Variants in ZNF362 observed in about 807,000 individuals in gnomAD.
ZNF362 encodes rotund homolog.
A neutral mutation model predicts 42.9 loss-of-function variants in ZNF362; 11 were observed. The observed-to-expected ratio is 0.26, with a 90% CI of 0.16 to 0.42. The LOEUF (loss-of-function observed/expected upper bound fraction) is 0.42, where lower values mean the gene tolerates loss of function less well. Ranked by LOEUF, ZNF362 falls within the 20% of genes least tolerant of loss-of-function variation. The probability of loss-of-function intolerance (pLI) is 1.00; values close to 1 mark genes in which losing one functional copy is unlikely to be tolerated. For synonymous variants in ZNF362, 255 were observed against 257.3 expected (o/e 0.99, Z 0.09); for missense variants, 362 against 576.2 (o/e 0.63, Z 3.81).
At chr1:33,278,890 G>T (rs187770140) in intron 4 of ZNF362, among the ~76,000 whole-genome samples, 1 of 152,214 alleles carries the variant, frequency 6.6e-6, no homozygotes, top group Admixed American at 6.5e-5. Flanking sequence ...AACAGGTTGT[G>T]TCCAATTTTG....
chr1:33,179,955 TAGAG>T, the ZNF362 span, among the ~76,000 whole-genome samples: 1 of 152,248 alleles, frequency 6.6e-6, no homozygotes, highest in Non-Finnish European at 1.5e-5. Flanking sequence ...CACTTATTAA[TAGAG>T]AGCATTTGGG....
chr1:33,234,630 C>T, the ZNF362 span, among the ~76,000 whole-genome samples: 20 of 152,050 alleles, frequency 1.3e-4, no homozygotes, highest in African/African-American at 4.3e-4. Flanking sequence ...TCCCGTTGAG[C>T]GAGAGGAAGC....
chr1:33,251,418 C>T, the ZNF362 span, among the ~76,000 whole-genome samples: 1 of 152,204 alleles, frequency 6.6e-6, no homozygotes, highest in African/African-American at 2.4e-5. Flanking sequence ...ACCATTGCCA[C>T]CTTTCACCTG....
intron 1 of ZNF362, among the ~76,000 whole-genome samples, chr1:33,260,220 A>G (rs1277061474): frequency 6.6e-6 from 1 of 152,206 alleles, no homozygotes; most frequent in Non-Finnish European, 1.5e-5. Flanking sequence ...AATGTTTCCT[A>G]GGCATTTATA....
the ZNF362 span, chr1:33,194,717 C>A: frequency 6.6e-6 from 1 of 151,766 alleles, no homozygotes; most frequent in African/African-American, 2.4e-5. Context: ...CTATAATGTA[C>A]CTACCTCATG....
In ZNF362 at chr1:33,280,059, G is replaced by T; in HGVS notation, c.350-65G>T. The T allele has an allele frequency of 6.7e-7, 1 of 1,497,728 alleles. No homozygotes were observed. The highest frequency in any genetic ancestry group is 8.9e-7 in the Non-Finnish European group (1 of 1,123,240). 92.8% of individuals were successfully genotyped at this position (1,497,728 alleles called of 1,614,324 possible). A position where few individuals can be genotyped will look rare whatever the true frequency, so the allele number is the denominator to read the frequency against. ...CTCGCCTGCCAAAATCACATAGCTG[G>T]GTGGGCAGCTGAGCTGGCCTCTGCA... On this transcript the variant is annotated intron_variant, in intron 4 of 8. Transcript: ENST00000539719. The surrounding 1 kb of genome is among the most constrained non-coding windows in gnomAD (Gnocchi z 5.6).
At chr1:33,227,511 C>T in the ZNF362 span, among the ~76,000 whole-genome samples, 1 of 152,148 alleles carries the variant, frequency 6.6e-6, no homozygotes, top group South Asian at 2.1e-4. Context: ...CATCCAAGGC[C>T]AGGAGCCAGA....
the ZNF362 span, among the ~76,000 whole-genome samples, chr1:33,199,541 A>G: frequency 6.6e-6 from 1 of 152,236 alleles, no homozygotes; most frequent in Admixed American, 6.5e-5. Flanking sequence ...TTATTCAAGC[A>G]GAAAGAAAAT....
chr1:33,224,598 T>G, the ZNF362 span, among the ~76,000 whole-genome samples: 1 of 152,170 alleles, frequency 6.6e-6, no homozygotes, highest in Non-Finnish European at 1.5e-5. Context: ...TTATGTATAA[T>G]TTGAAGAGAC....
chr1:33,223,109 G>C, the ZNF362 span, among the ~76,000 whole-genome samples: 1 of 152,048 alleles, frequency 6.6e-6, no homozygotes, highest in Non-Finnish European at 1.5e-5. Flanking sequence ...AAATTAGCTG[G>C]GTGTTGTGGC....
At chr1:33,248,446 C>A in the ZNF362 span, among the ~76,000 whole-genome samples, 1 of 152,308 alleles carries the variant, frequency 6.6e-6, no homozygotes. Context: ...ATCTATGTAA[C>A]CAGTTGTCAC....
chr1:33,158,375 G>A, the ZNF362 span: 1 of 1,612,436 alleles, frequency 6.2e-7, no homozygotes, highest in Non-Finnish European at 8.5e-7. Context: ...GAGCCTGGAA[G>A]GAGAGCAGGA....
the ZNF362 span, among the ~76,000 whole-genome samples, chr1:33,190,022 C>T: frequency 5.9e-3 from 893 of 151,994 alleles, 9 homozygotes; most frequent in African/African-American, 0.02. Context: ...AGTGTCAGTC[C>T]GGACTCTGAA....
chr1:33,281,525 G>T lies in ZNF362; in HGVS notation c.684-62G>T. The T allele has an allele frequency of 6.5e-7, 1 of 1,531,156 alleles. No individual in the cohort carries two copies. Among genetic ancestry groups the T allele is most frequent in the African/African-American group, 1.4e-5 (1 of 73,422 alleles). 94.8% of individuals were successfully genotyped at this position (1,531,156 alleles called of 1,614,324 possible). A position where few individuals can be genotyped will look rare whatever the true frequency, so the allele number is the denominator to read the frequency against. On this transcript the variant is annotated intron_variant, in intron 5 of 8. Coordinates refer to ENST00000539719, the MANE Select transcript of ZNF362 (RefSeq NM_152493.3). The surrounding 1 kb of genome is among the most constrained non-coding windows in gnomAD (Gnocchi z 4.8). Reference sequence around the variant, plus strand: ...GTGCAAGGTCTCTCTGATGTAGAAGGCCTCCCCTGAGATGGACAGTCTGGG... The same window carrying T: ...GTGCAAGGTCTCTCTGATGTAGAAGTCCTCCCCTGAGATGGACAGTCTGGG...
chr1:33,237,035 C>T, the ZNF362 span, among the ~76,000 whole-genome samples: 1 of 152,062 alleles, frequency 6.6e-6, no homozygotes, highest in Non-Finnish European at 1.5e-5. Context: ...CACACCATTG[C>T]ACTCCAGCCT....
intron 1 of ZNF362, among the ~76,000 whole-genome samples, chr1:33,264,896 T>C (rs1645855291): frequency 6.6e-6 from 1 of 152,074 alleles, no homozygotes; most frequent in African/African-American, 2.4e-5. Flanking sequence ...TTCTTAGGTC[T>C]CCTGATACAT....
the ZNF362 span, among the ~76,000 whole-genome samples, chr1:33,188,852 C>T: frequency 6.6e-6 from 1 of 152,218 alleles, no homozygotes; most frequent in East Asian, 1.9e-4. Flanking sequence ...AGCACCTTCT[C>T]TGCGATGGAC....
At chr1:33,290,891 G>T (rs1267277736) in intron 6 of ZNF362, among the ~76,000 whole-genome samples, 1 of 152,166 alleles carries the variant, frequency 6.6e-6, no homozygotes, top group Non-Finnish European at 1.5e-5. Flanking sequence ...CATATCCTTT[G>T]CCCACTTGTT....
At position 33,299,334 on chromosome 1, in the gene ZNF362, G is replaced by GTTTT. The variant is rs35161004; in HGVS notation, c.*298_*301dup. The GTTTT allele has an allele frequency of 7.1e-5, 11 of 154,310 alleles. No individual in the cohort carries two copies. The highest frequency in any genetic ancestry group is 6.5e-4 in the South Asian group (3 of 4,642). The allele number at this position is 154,310 out of a possible 1,614,324, so 9.6% of individuals were successfully genotyped here. A position where few individuals can be genotyped will look rare whatever the true frequency, so the allele number is the denominator to read the frequency against. On this transcript the variant is annotated 3_prime_UTR_variant, in exon 9 of 9. Transcript: ENST00000539719. Reference sequence around the variant, plus strand: ...TTCCCCACCCTTCACTTGCTTCACTGTTTTTTTTTTTTTCGTTTTTTTTTT... The same window carrying GTTTT: ...TTCCCCACCCTTCACTTGCTTCACTGTTTTTTTTTTTTTTTTTCGTTTTTTTTTT...
Sources: allele counts gnomAD v4.1 joint callset (sites outside exome capture counted in the v4.1 genomes callset), GRCh38; gene constraint gnomAD v4.1.1; non-coding constraint Gnocchi (gnomAD v3.1); transcripts MANE v1.5; gene names NCBI Gene and HGNC (gene_info 2026-07-23, HGNC 2026-07-21).